Variants in CLTCL1 observed in about 807,000 individuals in gnomAD.
CLTCL1 encodes the protein clathrin heavy chain like 1, also known as clathrin heavy chain 2.
CLTCL1 carries 159 observed loss-of-function variants against 190.0 expected under a neutral mutation model. That is an observed-to-expected ratio of 0.84 (90% CI 0.74 to 0.95). CLTCL1 has a LOEUF of 0.95. Among genes scored for constraint, CLTCL1 ranks in the 40% least tolerant of loss-of-function variants. The probability of loss-of-function intolerance (pLI) is 0.00; values close to 1 mark genes in which losing one functional copy is unlikely to be tolerated. For synonymous variants in CLTCL1, 752 were observed against 769.6 expected, an observed-to-expected ratio of 0.98 and a Z score of 0.38; for missense variants, 1,878 against 2,033.4, an observed-to-expected ratio of 0.92 and a Z score of 1.47.
chr22:19,283,749 T>C (rs985559192), intron 1 of CLTCL1, among the ~76,000 whole-genome samples: 15 of 149,918 alleles, frequency 1.0e-4, no homozygotes, highest in African/African-American at 3.4e-4. Flanking sequence ...CCCAGCACTT[T>C]GGGAGGCCGA....
At position 19,225,377 on chromosome 22, in the gene CLTCL1, C is replaced by T. The variant is rs374763861; in HGVS notation, c.2128+76G>A. 102 of 1,432,862 alleles carry T rather than the reference C, an allele frequency of 7.1e-5. No homozygotes were observed. In the East Asian group the frequency reaches 1.5e-3, roughly 21 times the overall value. 88.8% of individuals were successfully genotyped at this position (1,432,862 alleles called of 1,614,324 possible). Reference sequence around the variant, plus strand: ...GCTTTGCAGGAAGGCCGTCTTAAGGCGGGCAGGTAGGCAGCAACACCTGAG... The same window carrying T: ...GCTTTGCAGGAAGGCCGTCTTAAGGTGGGCAGGTAGGCAGCAACACCTGAG... On this transcript the variant is annotated intron_variant, in intron 13 of 32. Transcript: ENST00000427926.
Position 19,199,790 on chromosome 22 carries a change from C to A in CLTCL1, c.3817G>T (p.Gly1273Cys). Residue 1273 changes from glycine to cysteine, a missense_variant, in exon 24 of 33, where the codon GGT (glycine) becomes TGT (cysteine). By Grantham distance (159) the Gly-to-Cys change is radical. Transcript: ENST00000427926. ...TCTGCATGAATGACGATGTGAAGAC[C>A]ACACAGCTGTGCGAAGCGGAACTCT... ...GQEFRFAQLC[G>C]LHIVIHADEL... The A allele has an allele frequency of 6.3e-7, 1 of 1,599,562 alleles. No individual in the cohort carries two copies. Among genetic ancestry groups the A allele is most frequent in the Admixed American group, 1.7e-5 (1 of 58,030 alleles).
chr22:19,225,780 T>C, intron 12 of CLTCL1, 147 bp from the exon 13 acceptor site: 1 of 744,900 alleles, frequency 1.3e-6, no homozygotes, highest in South Asian at 2.1e-5. Context: ...CAACTATCCA[T>C]CACGGGAAAA....
intron 2 of CLTCL1, among the ~76,000 whole-genome samples, chr22:19,271,819 A>G (rs2087331244): frequency 6.6e-6 from 1 of 152,224 alleles, no homozygotes; most frequent in Admixed American, 6.5e-5. Flanking sequence ...CATAAAAACC[A>G]TTCTTGGCCA....
At chr22:19,252,948 A>G (rs562514561) in intron 3 of CLTCL1, among the ~76,000 whole-genome samples, 129 of 148,366 alleles carry the variant, frequency 8.7e-4, no homozygotes, top group Admixed American at 1.4e-3. Flanking sequence ...CAGGAGGCAG[A>G]GCTTGCAGTG....
rs993510431 is a variant in CLTCL1, at chr22:19,198,363, C to T, written c.3873+1371G>A. Among the ~76,000 whole-genome samples the T allele has an allele frequency of 4.6e-5, 7 of 152,130 alleles. No homozygotes were observed. The highest frequency in any genetic ancestry group is 1.7e-4 in the African/African-American group (7 of 41,444). On this transcript the variant is annotated intron_variant, in intron 24 of 32. Transcript: ENST00000427926. This position sits in a 1 kb window ranked among gnomAD's most constrained non-coding sequence, Gnocchi z 4.1. ...CCAGCTGCTCTTCTGGCTCCTGTCC[C>T]TACTCCTCAAGTATGTGTCTCAGCA...
rs2084703372 is a variant in CLTCL1 at position 19,196,318 on chromosome 22, C to T, written c.4139G>A (p.Ser1380Asn). The T allele has an allele frequency of 8.1e-6, 13 of 1,613,798 alleles. No homozygotes were observed. The highest frequency in any genetic ancestry group is 1.0e-5 in the Non-Finnish European group (12 of 1,179,868). Residue 1380 changes from serine (S) to asparagine (N), a missense_variant, in exon 26 of 33, where the codon AGC becomes AAC. Transcript: ENST00000427926. Reference protein sequence around the residue: ...EYDNAVLTMMSHPTEAWKEGQ... With the variant: ...EYDNAVLTMMNHPTEAWKEGQ... ...CTCCTTCCAGGCCTCAGTGGGGTGG[C>T]TCATCATGGTGAGCACAGCATTGTC...
chr22:19,244,635 C>T (rs1253059107), intron 3 of CLTCL1, among the ~76,000 whole-genome samples: 1 of 152,164 alleles, frequency 6.6e-6, no homozygotes, highest in African/African-American at 2.4e-5. Context: ...TAAACTGCAG[C>T]CAAGACGAAG....
chr22:19,254,042 T>C lies in CLTCL1; in HGVS notation c.436A>G (p.Thr146Ala), dbSNP rs781924552. 4 of 1,612,238 alleles carry C rather than the reference T, an allele frequency of 2.5e-6. No individual in the cohort carries two copies. The highest frequency in any genetic ancestry group is 3.4e-6 in the Non-Finnish European group (4 of 1,179,038). The stretch of plus-strand genomic sequence containing the variant: ...ATCACCTGGCAGCCCACCAGACTGG[T>C]ATGTCTATCAAACATCTTCATGGGC... ...SQPMKMFDRH[T>A]SLVGCQVIHY... The change falls in exon 3 of 33, where the codon ACC becomes GCC. Residue 146 changes from threonine to alanine, a missense_variant. Physicochemically the swap from Thr to Ala is moderately conservative, Grantham distance 58. Transcript: ENST00000427926.
rs371641807 is a variant in CLTCL1, at chr22:19,208,969, T to C, written c.3395A>G (p.Asp1132Gly). The stretch of plus-strand genomic sequence containing the variant: ...AACTTCCAGGTAAGAGGAAGGGTCG[T>C]CCCCTCTGATATAGGAGTTGATGGC... ...KEAINSYIRG[D>G]DPSSYLEVVQ... Residue 1132 changes from aspartate to glycine, a missense_variant, in exon 21 of 33, where the codon GAC (aspartate) becomes GGC (glycine). Asp to Gly is a moderately conservative substitution (Grantham distance 94, BLOSUM62 -1). Coordinates refer to ENST00000427926, the MANE Select transcript of CLTCL1 (RefSeq NM_007098.4). 4.2e-5 allele frequency: 67 copies of C among 1,611,560 alleles called. No homozygotes were observed. The African/African-American group carries it at 8.7e-4, about 21-fold the overall frequency.
At chr22:19,190,318 A>G (rs189603033) in intron 27 of CLTCL1, among the ~76,000 whole-genome samples, 1 of 152,212 alleles carries the variant, frequency 6.6e-6, no homozygotes, top group Non-Finnish European at 1.5e-5. Flanking sequence ...CAAGGAAAGG[A>G]AGAGGGACCA....
rs375471950 is a variant in CLTCL1 at position 19,183,561 on chromosome 22, C to CT, written c.4655dup (p.Leu1553ValfsTer23). 545 of 1,613,828 alleles carry CT rather than the reference C, an allele frequency of 3.4e-4. 1 individual carries two copies. In the Middle Eastern group the frequency reaches 3.5e-3, roughly 10 times the overall value. On this transcript the variant is annotated frameshift_variant, in exon 30 of 33. Coordinates refer to ENST00000427926, the MANE Select transcript of CLTCL1 (RefSeq NM_007098.4). LOFTEE classifies it high-confidence loss of function. The stretch of plus-strand genomic sequence containing the variant: ...CTTCCTCCAGGAACCACTGCAGCAA[C>CT]TTCTGGGCCAGCTCAGCATCCCGCG...
intron 9 of CLTCL1, 73 bp downstream of exon 9, chr22:19,233,092 TA>T: frequency 6.7e-7 from 1 of 1,495,248 alleles, no homozygotes; most frequent in Non-Finnish European, 9.1e-7. Flanking sequence ...GGGTATTTTA[TA>T]AACTTTAAAA....
Position 19,196,327 on chromosome 22 carries a change from G to A in CLTCL1, c.4130C>T (p.Thr1377Ile). ...GGCCTCAGTGGGGTGGCTCATCATG[G>A]TGAGCACAGCATTGTCATACTCCTC... ...KYEEYDNAVLTMMSHPTEAWK... is the reference protein window; with the variant it reads ...KYEEYDNAVLIMMSHPTEAWK... Residue 1377 changes from threonine (T) to isoleucine (I), a missense_variant, in exon 26 of 33, where the codon ACC becomes ATC. By Grantham distance (89) the Thr-to-Ile change is moderately conservative. Coordinates refer to ENST00000427926, the MANE Select transcript of CLTCL1 (RefSeq NM_007098.4). 1.2e-6 allele frequency: 2 copies of A among 1,613,966 alleles called. No individual in the cohort carries two copies. Among genetic ancestry groups the A allele is most frequent in the South Asian group, 1.1e-5 (1 of 91,084 alleles).
chr22:19,285,223 C>A (rs545755691), intron 1 of CLTCL1, among the ~76,000 whole-genome samples: 1 of 147,908 alleles, frequency 6.8e-6, no homozygotes, highest in Non-Finnish European at 1.5e-5. Context: ...TGCAGTGAGC[C>A]GAGATTGTGC....
At chr22:19,252,294 C>A (rs1287657710) in intron 3 of CLTCL1, among the ~76,000 whole-genome samples, 1 of 152,124 alleles carries the variant, frequency 6.6e-6, no homozygotes, top group African/African-American at 2.4e-5. Flanking sequence ...CTACATAATT[C>A]CCATTGCCTG....
chr22:19,221,723 G>T, intron 16 of CLTCL1, 112 bp from the exon 17 acceptor site: 1 of 1,076,484 alleles, frequency 9.3e-7, no homozygotes, highest in Non-Finnish European at 1.3e-6. Context: ...AGAGTCCATT[G>T]ACTTCAGGTT....
At chr22:19,238,546 C>A in intron 5 of CLTCL1, 1 of 217,806 alleles carries the variant, frequency 4.6e-6, no homozygotes. Context: ...GGAACCACCA[C>A]AGGCCCTGCT....
chr22:19,201,535 G>C lies in CLTCL1; in HGVS notation c.3601-42C>G, dbSNP rs781819638. On this transcript the variant is annotated intron_variant, in intron 22 of 32. Coordinates refer to ENST00000427926, the MANE Select transcript of CLTCL1 (RefSeq NM_007098.4). ...AGCTCGACTGAGACACTCTTCAATGGGAAGATTTCTCCAGAGTTGCTTTTA... is the reference window on the plus strand; with the variant it reads ...AGCTCGACTGAGACACTCTTCAATGCGAAGATTTCTCCAGAGTTGCTTTTA... The C allele has an allele frequency of 3.8e-6, 6 of 1,577,782 alleles. No individual in the cohort carries two copies. The African/African-American group carries it at 8.1e-5, about 21-fold the overall frequency.
Sources: gnomAD v4.1 joint callset for allele counts (sites outside exome capture counted in the v4.1 genomes callset) on GRCh38, gnomAD v4.1.1 for gene constraint, Gnocchi (gnomAD v3.1) non-coding constraint, MANE v1.5 for transcripts, NCBI Gene and HGNC (gene_info 2026-07-23, HGNC 2026-07-21) for gene names.